The following TTLL4 variants were observed in gnomAD, a reference collection of about 807,000 sequenced individuals.
TTLL4 encodes tubulin tyrosine ligase like 4.
A neutral mutation model predicts 122.7 loss-of-function variants in TTLL4; 85 were observed. That is an observed-to-expected ratio of 0.69 (90% CI 0.58 to 0.83). The LOEUF is 0.83. Ranked by LOEUF, TTLL4 falls within the 40% of genes least tolerant of loss-of-function variation. The probability of loss-of-function intolerance (pLI) is 0.00; values close to 1 mark genes in which losing one functional copy is unlikely to be tolerated. For synonymous variants in TTLL4, 553 were observed against 563.0 expected (o/e 0.98, Z 0.25); for missense variants, 1,363 against 1,488.6 (o/e 0.92, Z 1.39).
chr2:218,726,805 T>C (rs1044052696), intron 1 of TTLL4, among the ~76,000 whole-genome samples: 2 of 150,426 alleles, frequency 1.3e-5, no homozygotes, highest in African/African-American at 4.9e-5. Flanking sequence ...AACTAGTTTC[T>C]TTCTTTCTTT....
chr2:218,744,420 T>A (rs1942784411), intron 5 of TTLL4, among the ~76,000 whole-genome samples: 1 of 152,172 alleles, frequency 6.6e-6, no homozygotes, highest in Non-Finnish European at 1.5e-5. Context: ...GAGACAGCCT[T>A]GGCCAAGCCC....
Position 218,747,111 on chromosome 2 carries a change from C to T in TTLL4, c.2083C>T (p.Gln695Ter). 1 of 1,614,224 alleles carries T rather than the reference C, an allele frequency of 6.2e-7. No individual in the cohort carries two copies. Among genetic ancestry groups the T allele is most frequent in the Non-Finnish European group, 8.5e-7 (1 of 1,180,048 alleles). Residue 695 changes from glutamine (Q) to a stop codon, truncating the protein, a stop_gained, in exon 9 of 20, where the codon CAG becomes TAG. Transcript: ENST00000392102. LOFTEE classifies it high-confidence loss of function. This position sits in a 1 kb window ranked among gnomAD's most constrained non-coding sequence, Gnocchi z 4.7. ...CAAGAAGGAGTTCAGTTTCTTCCCC[C>T]AGTCCTTTATCCTGCCCCAGGACGC... Reference protein sequence around the residue: ...FGKKEFSFFPQSFILPQDAKL... With the variant: ...FGKKEFSFFP
Position 218,736,588 on chromosome 2 carries a change from TC to T in TTLL4, c.-98-990del, listed in dbSNP as rs1942530151. ...CCCAGTATGGCTGCTGGAAATAAAG[TC>T]ACTTTAAGTAAAAATAATGCTGGTG... On this transcript the variant is annotated intron_variant, in intron 2 of 19. Coordinates refer to ENST00000392102, the MANE Select transcript of TTLL4 (RefSeq NM_014640.5). Among the ~76,000 whole-genome samples, 3 of 133,004 alleles carry T rather than the reference TC, an allele frequency of 2.3e-5. No individual in the cohort carries two copies. The South Asian group carries it at 6.9e-4, about 30-fold the overall frequency. The allele number at this position is 133,004 out of a possible 152,430, so 87.3% of individuals were successfully genotyped here. A position where few individuals can be genotyped will look rare whatever the true frequency, so the allele number is the denominator to read the frequency against.
At chr2:218,721,066 T>G (rs1942025452) in intron 1 of TTLL4, among the ~76,000 whole-genome samples, 1 of 152,204 alleles carries the variant, frequency 6.6e-6, no homozygotes, top group African/African-American at 2.4e-5. Flanking sequence ...CCAAGCCCTT[T>G]TCCCCATCCC....
downstream of TTLL4, among the ~76,000 whole-genome samples, chr2:218,757,386 A>G (rs1193041631): frequency 1.3e-5 from 2 of 152,198 alleles, no homozygotes; most frequent in African/African-American, 4.8e-5. Flanking sequence ...TTGGTTAAAC[A>G]CTTCACAGTC....
At chr2:218,736,720 C>G (rs1369772462) in intron 2 of TTLL4, among the ~76,000 whole-genome samples, 1 of 152,186 alleles carries the variant, frequency 6.6e-6, no homozygotes, top group African/African-American at 2.4e-5. Flanking sequence ...AGAATAAACT[C>G]CGGGATCAGC....
chr2:218,752,802 G>A lies in TTLL4; in HGVS notation c.3016G>A (p.Asp1006Asn). Reference protein sequence around the residue: ...ASVLDVLTPDDVRILVEMEDE... With the variant: ...ASVLDVLTPDNVRILVEMEDE... ...TGTGCTGGATGTCCTGACACCAGAT[G>A]ATGTTCGGATTCTGGTTGAGATGGA... Residue 1006 changes from aspartate to asparagine, a missense_variant, in exon 17 of 20, where the codon GAT becomes AAT. Physicochemically the swap from Asp to Asn is conservative, Grantham distance 23. Coordinates refer to ENST00000392102, the MANE Select transcript of TTLL4 (RefSeq NM_014640.5). 15 of 1,614,214 alleles carry A rather than the reference G, an allele frequency of 9.3e-6. No homozygotes were observed. The highest frequency in any genetic ancestry group is 1.2e-5 in the Non-Finnish European group (14 of 1,180,048).
Position 218,740,059 on chromosome 2 carries a change from T to G in TTLL4, c.1489T>G (p.Ser497Ala). ...TGGGGGCATGATTCTTTCTTTTAGTTCAGCTACTGACCTCCAGCCAGATCA... is the reference window on the plus strand; with the variant it reads ...TGGGGGCATGATTCTTTCTTTTAGTGCAGCTACTGACCTCCAGCCAGATCA... ...ELDSSDRDIS[S>A]ATDLQPDQAE... Residue 497 changes from serine to alanine, a missense_variant and splice_region_variant, in exon 4 of 20, where the codon TCA becomes GCA. By Grantham distance (99) the Ser-to-Ala change is moderately conservative. Coordinates refer to ENST00000392102, the MANE Select transcript of TTLL4 (RefSeq NM_014640.5). 1 of 1,613,994 alleles carries G rather than the reference T, an allele frequency of 6.2e-7. No individual in the cohort carries two copies. The highest frequency in any genetic ancestry group is 8.5e-7 in the Non-Finnish European group (1 of 1,179,904).
intron 5 of TTLL4, among the ~76,000 whole-genome samples, chr2:218,742,948 C>A (rs1057090764): frequency 6.6e-6 from 1 of 151,908 alleles, no homozygotes; most frequent in African/African-American, 2.4e-5. Context: ...CATGGTGAAA[C>A]CCCATGTTTT....
At chr2:218,725,002 C>T (rs1245244783) in intron 1 of TTLL4, among the ~76,000 whole-genome samples, 1 of 152,016 alleles carries the variant, frequency 6.6e-6, no homozygotes, top group Non-Finnish European at 1.5e-5. Context: ...TGGGCTCAGG[C>T]GATCCTTCTA....
intron 2 of TTLL4, among the ~76,000 whole-genome samples, 186 bp downstream of exon 2, chr2:218,727,533 C>T (rs192429041): frequency 2.6e-5 from 4 of 152,134 alleles, no homozygotes; most frequent in South Asian, 4.1e-4. Flanking sequence ...GTCAGGAGAT[C>T]GAGATCATCC....
chr2:218,745,522 C>T (rs1325849916), intron 6 of TTLL4, 169 bp from the exon 7 acceptor site: 7 of 645,422 alleles, frequency 1.1e-5, no homozygotes, highest in Non-Finnish European at 1.9e-5. Context: ...TCCTGCACAG[C>T]CCCTCTTCTT....
intron 1 of TTLL4, among the ~76,000 whole-genome samples, chr2:218,712,955 A>C (rs1941756213): frequency 6.6e-6 from 1 of 152,242 alleles, no homozygotes; most frequent in Non-Finnish European, 1.5e-5. Flanking sequence ...TGAAAAGAAC[A>C]CAACAGTTAA....
At chr2:218,721,223 T>A (rs1942030195) in intron 1 of TTLL4, among the ~76,000 whole-genome samples, 1 of 134,896 alleles carries the variant, frequency 7.4e-6, no homozygotes, top group African/African-American at 3.4e-5. Flanking sequence ...TTTGGGAACC[T>A]CAATTTACCC....
rs1223227095 is a variant in TTLL4, at chr2:218,748,727, A to G, written c.2502-109A>G. ...ATCTCTTTCATAATTTAAACTGCGAAAGGAAGAGATATGAAGAAAATACCA... is the reference window on the plus strand; with the variant it reads ...ATCTCTTTCATAATTTAAACTGCGAGAGGAAGAGATATGAAGAAAATACCA... On this transcript the variant is annotated intron_variant, in intron 12 of 19. Transcript: ENST00000392102. 4 of 872,476 alleles carry G rather than the reference A, an allele frequency of 4.6e-6. No homozygotes were observed. The Admixed American group carries it at 1.1e-4, about 24-fold the overall frequency. 54.0% of individuals were successfully genotyped at this position (872,476 alleles called of 1,614,324 possible). A position where few individuals can be genotyped will look rare whatever the true frequency, so the allele number is the denominator to read the frequency against.
At chr2:218,713,317 A>C (rs950017945) in intron 1 of TTLL4, among the ~76,000 whole-genome samples, 1 of 152,206 alleles carries the variant, frequency 6.6e-6, no homozygotes, top group Non-Finnish European at 1.5e-5. Context: ...CCAGGAGGTT[A>C]TCCAGGCTGG....
intron 3 of TTLL4, 43 bp from the exon 4 acceptor site, chr2:218,740,015 T>C (rs775940583): frequency 1.0e-4 from 159 of 1,570,912 alleles, no homozygotes; most frequent in Middle Eastern, 1.7e-4. Context: ...TGTGACCTCT[T>C]TGATGGAGTT....
chr2:218,738,694 G>A lies in TTLL4; in HGVS notation c.1018G>A (p.Val340Met), dbSNP rs143880351. The change falls in exon 3 of 20, where the codon GTG becomes ATG. Residue 340 changes from valine to methionine, a missense_variant. Coordinates refer to ENST00000392102, the MANE Select transcript of TTLL4 (RefSeq NM_014640.5). ...TAAGGAGATTCGGTTCACTGAGGCC[G>A]TGAGGAAATTGACCGCAAGAGGCTT... Reference protein sequence around the residue: ...PTKEIRFTEAVRKLTARGFEK... With the variant: ...PTKEIRFTEAMRKLTARGFEK... 11 of 1,614,120 alleles carry A rather than the reference G, an allele frequency of 6.8e-6. No homozygotes were observed. The highest frequency in any genetic ancestry group is 4.4e-5 in the South Asian group (4 of 91,088).
At chr2:218,728,957 A>T (rs1942275747) in intron 2 of TTLL4, among the ~76,000 whole-genome samples, 1 of 103,092 alleles carries the variant, frequency 9.7e-6, no homozygotes, top group Non-Finnish European at 1.9e-5. Context: ...GGGGGGGCAT[A>T]GTTTTGTTCT....
Sources: gnomAD v4.1 joint callset for allele counts (sites outside exome capture counted in the v4.1 genomes callset) on GRCh38, gnomAD v4.1.1 for gene constraint, Gnocchi (gnomAD v3.1) non-coding constraint, MANE v1.5 for transcripts, NCBI Gene and HGNC (gene_info 2026-07-23, HGNC 2026-07-21) for gene names.